CES2: variants seen among roughly 807,000 people sequenced by gnomAD.
The protein encoded by CES2 is cocaine esterase.
In CES2, 42 loss-of-function variants were observed where a neutral mutation model predicts 52.1. That is an observed-to-expected ratio of 0.81 (90% CI 0.63 to 1.04). CES2 has a LOEUF of 1.04. CES2 is among the 50% of genes least tolerant of loss of function. The pLI, the probability that CES2 is intolerant of heterozygous loss-of-function variation, is 0.00. For synonymous variants in CES2, 277 were observed against 289.6 expected (o/e 0.96, Z 0.44); for missense variants, 656 against 724.3 (o/e 0.91, Z 1.08).
chr16:66,934,814 A>T, upstream of CES2: 1 of 170,534 alleles, frequency 5.9e-6, no homozygotes, highest in Non-Finnish European at 1.3e-5. The surrounding 1 kb of genome is among the most constrained non-coding windows in gnomAD (Gnocchi z 4.1). Context: ...CTGCTGCACC[A>T]TAGGCCCGGG....
chr16:66,936,808 G>A (rs548893659), intron 1 of CES2, among the ~76,000 whole-genome samples: 12 of 152,180 alleles, frequency 7.9e-5, no homozygotes, highest in East Asian at 3.9e-4. Context: ...GCTTCCTCCC[G>A]TGCCTGCCCT....
At chr16:66,935,993 C>A (rs1463820967) in intron 1 of CES2, 38 of 1,376,264 alleles carry the variant, frequency 2.8e-5, no homozygotes, top group Non-Finnish European at 3.5e-5. Context: ...AGCCTGGGGT[C>A]GGAGTGGGTG....
rs376159701 is a variant in CES2 at position 66,941,532 on chromosome 16, G to A, written c.942G>A (p.Val314=). The change falls in exon 7 of 12, where the codon GTG becomes GTA. Residue 314 remains valine, a synonymous_variant. Transcript: ENST00000317091. ...CTTTCAAGATGATCCCCGGAGTGGT[G>A]GATGGGGTCTTCCTGCCCAGGCACC... ...NKPFKMIPGV[V]DGVFLPRHPQ... is the part of the protein sequence containing the mutation. The A allele has an allele frequency of 8.7e-6, 14 of 1,614,140 alleles. No homozygotes were observed. The highest frequency in any genetic ancestry group is 3.3e-5 in the South Asian group (3 of 91,090).
chr16:66,944,144 C>T lies in CES2; in HGVS notation c.*119C>T. ...TCCTTCATTCACTTCGCCATTCATT[C>T]ATACTTCCGTCCATCCATTCAGAAA... On this transcript the variant is annotated 3_prime_UTR_variant, in exon 12 of 12. Transcript: ENST00000317091. 1 of 532,152 alleles carries T rather than the reference C, an allele frequency of 1.9e-6. No homozygotes were observed. Among genetic ancestry groups the T allele is most frequent in the Admixed American group, 3.6e-5 (1 of 27,864 alleles). The allele number at this position is 532,152 out of a possible 1,614,324, so 33.0% of individuals were successfully genotyped here.
At position 66,943,712 on chromosome 16, in the gene CES2, C is replaced by G; in HGVS notation, c.1494-127C>G. ...TATTTCCTGTTTCTGGAAGCCTCCC[C>G]ACTCATTCCCCAAGCCCACCTGGCC... On this transcript the variant is annotated intron_variant, in intron 11 of 11. Coordinates refer to ENST00000317091, the MANE Select transcript of CES2 (RefSeq NM_001365405.1). The surrounding 1 kb of genome is among the most constrained non-coding windows in gnomAD (Gnocchi z 4.2). 1.4e-6 allele frequency: 1 copy of G among 721,530 alleles called. No individual in the cohort carries two copies. The highest frequency in any genetic ancestry group is 2.3e-6 in the Non-Finnish European group (1 of 435,184). 44.7% of individuals were successfully genotyped at this position (721,530 alleles called of 1,614,324 possible). A position where few individuals can be genotyped will look rare whatever the true frequency, so the allele number is the denominator to read the frequency against.
chr16:66,942,661 T>C lies in CES2; in HGVS notation c.1296T>C (p.Pro432=). The change falls in exon 10 of 12, where the codon CCT becomes CCC. Residue 432 remains proline (P), a synonymous_variant. Coordinates refer to ENST00000317091, the MANE Select transcript of CES2 (RefSeq NM_001365405.1). Reference sequence around the variant, plus strand: ...TCCACCCCACAGGTTCCCGGGCCCCTGTGTACTTCTACGAGTTCCAGCATC... The same window carrying C: ...TCCACCCCACAGGTTCCCGGGCCCCCGTGTACTTCTACGAGTTCCAGCATC... The part of the protein sequence containing the change: ...QVAHFQCSRA[P]VYFYEFQHQP... 1 of 1,614,198 alleles carries C rather than the reference T, an allele frequency of 6.2e-7. No homozygotes were observed. Among genetic ancestry groups the C allele is most frequent in the Middle Eastern group, 1.7e-4 (1 of 6,058 alleles).
In CES2 at chr16:66,940,626, A is replaced by T. The variant is rs1597008296; in HGVS notation, c.747A>T (p.Gly249=). The T allele has an allele frequency of 1.2e-6, 2 of 1,614,158 alleles. No homozygotes were observed. The highest frequency in any genetic ancestry group is 2.7e-5 in the African/African-American group (2 of 75,028). ...CCATATCCCAAGGACTCTTCCACGG[A>T]GCCATCATGGAGAGTGGCGTGGCCC... is the stretch of plus-strand genomic sequence containing the variant. ...VSPISQGLFH[G]AIMESGVALL... is the part of the protein sequence containing the mutation. Residue 249 remains glycine (G), a synonymous_variant, in exon 5 of 12, where the codon GGA becomes GGT. Transcript: ENST00000317091.
chr16:66,934,574 G>T (rs1963153671), upstream of CES2: 4 of 723,890 alleles, frequency 5.5e-6, no homozygotes, highest in South Asian at 5.9e-5. The surrounding 1 kb of genome is among the most constrained non-coding windows in gnomAD (Gnocchi z 4.1). Context: ...AGCAGAAGGC[G>T]CTGAGAAGGG....
At chr16:66,937,462 C>G (rs748976294) in intron 1 of CES2, among the ~76,000 whole-genome samples, 1 of 152,184 alleles carries the variant, frequency 6.6e-6, no homozygotes, top group Non-Finnish European at 1.5e-5. Flanking sequence ...CCAGGCTTTT[C>G]TACAGCTGGG....
At chr16:66,940,838 C>T in intron 5 of CES2, 143 bp downstream of exon 5, 3 of 1,191,272 alleles carry the variant, frequency 2.5e-6, no homozygotes, top group Non-Finnish European at 3.4e-6. Flanking sequence ...CTGGGGGGCT[C>T]CAGGGTCAGA....
chr16:66,943,463 C>T lies in CES2; in HGVS notation c.1493+92C>T, dbSNP rs1013409344. The T allele has an allele frequency of 4.4e-5, 59 of 1,333,752 alleles. No individual in the cohort carries two copies. Among genetic ancestry groups the T allele is most frequent in the Non-Finnish European group, 6.1e-5 (57 of 936,502 alleles). 82.6% of individuals were successfully genotyped at this position (1,333,752 alleles called of 1,614,324 possible). A position where few individuals can be genotyped will look rare whatever the true frequency, so the allele number is the denominator to read the frequency against. On this transcript the variant is annotated intron_variant, in intron 11 of 11. Transcript: ENST00000317091. This position sits in a 1 kb window ranked among gnomAD's most constrained non-coding sequence, Gnocchi z 4.2. ...AGTCTGGGGTGACCTCATGAGCACA[C>T]CCGCATCCTTCATCACATGATGGCC...
chr16:66,938,643 T>C (rs28382816), intron 2 of CES2, among the ~76,000 whole-genome samples: 10,827 of 152,172 alleles, frequency 0.071, 971 homozygotes, highest in African/African-American at 0.21. Flanking sequence ...AAGAGAACAG[T>C]AGTGGTAGCT....
Position 66,943,960 on chromosome 16 carries a change from A to G in CES2, c.1615A>G (p.Lys539Glu). ...ALKAHRLQFW[K>E]KALPQKIQEL... The stretch of plus-strand genomic sequence containing the variant: ...GAAGGCCCACAGGCTCCAGTTCTGG[A>G]AGAAGGCGCTGCCCCAAAAGATCCA... Residue 539 changes from lysine (K) to glutamate (E), a missense_variant, in exon 12 of 12, where the codon AAG (lysine) becomes GAG (glutamate). Coordinates refer to ENST00000317091, the MANE Select transcript of CES2 (RefSeq NM_001365405.1). The surrounding 1 kb of genome is among the most constrained non-coding windows in gnomAD (Gnocchi z 4.2). 6.2e-7 allele frequency: 1 copy of G among 1,604,934 alleles called. No homozygotes were observed. Among genetic ancestry groups the G allele is most frequent in the African/African-American group, 1.3e-5 (1 of 74,892 alleles).
chr16:66,940,314 G>A lies in CES2; in HGVS notation c.516G>A (p.Val172=). ...TGGCTGCCTTGGAGAACGTGGTGGT[G>A]GTCATCATCCAGTACCGCCTGGGTG... ...SMLAALENVV[V]VIIQYRLGVL... Residue 172 remains valine, a synonymous_variant, in exon 4 of 12, where the codon GTG becomes GTA. Coordinates refer to ENST00000317091, the MANE Select transcript of CES2 (RefSeq NM_001365405.1). 1 of 1,614,158 alleles carries A rather than the reference G, an allele frequency of 6.2e-7. No homozygotes were observed.
intron 1 of CES2, chr16:66,935,957 G>T: frequency 7.1e-7 from 1 of 1,411,960 alleles, no homozygotes; most frequent in Non-Finnish European, 9.2e-7. Flanking sequence ...CCCCAGGAGC[G>T]CCGGGACATG....
In CES2 at chr16:66,945,022, C is replaced by A. The variant is rs767314851; in HGVS notation, c.*997C>A. 3 of 152,178 alleles carry A rather than the reference C, an allele frequency of 2.0e-5. No individual in the cohort carries two copies. The highest frequency in any genetic ancestry group is 3.2e-3 in the Middle Eastern group (1 of 316). 9.4% of individuals were successfully genotyped at this position (152,178 alleles called of 1,614,324 possible). A position where few individuals can be genotyped will look rare whatever the true frequency, so the allele number is the denominator to read the frequency against. On this transcript the variant is annotated 3_prime_UTR_variant, in exon 12 of 12. Transcript: ENST00000317091. ...GGGAGGTGCTTCGAAGAATGTTGCCCACACCTAAGTGTTAGAAGCCTATGT... is the reference window on the plus strand; with the variant it reads ...GGGAGGTGCTTCGAAGAATGTTGCCAACACCTAAGTGTTAGAAGCCTATGT...
At position 66,943,896 on chromosome 16, in the gene CES2, C is replaced by T. The variant is rs1963422626; in HGVS notation, c.1551C>T (p.Tyr517=). ...HWPLFDQEEQ[Y]LQLNLQPAVG... ...CGCTGTTCGACCAGGAGGAGCAATA[C>T]CTGCAGCTGAACCTACAGCCTGCGG... The change falls in exon 12 of 12, where the codon TAC becomes TAT. Residue 517 remains tyrosine, a synonymous_variant. Coordinates refer to ENST00000317091, the MANE Select transcript of CES2 (RefSeq NM_001365405.1). This position sits in a 1 kb window ranked among gnomAD's most constrained non-coding sequence, Gnocchi z 4.2. 6.2e-7 allele frequency: 1 copy of T among 1,609,972 alleles called. No individual in the cohort carries two copies. Among genetic ancestry groups the T allele is most frequent in the Admixed American group, 1.7e-5 (1 of 59,896 alleles).
In CES2 at chr16:66,942,667, C is replaced by A. The variant is rs149858755; in HGVS notation, c.1302C>A (p.Tyr434Ter). Residue 434 changes from tyrosine to a stop codon, truncating the protein, a stop_gained, in exon 10 of 12, where the codon TAC (tyrosine) becomes TAA (stop). Transcript: ENST00000317091. LOFTEE classifies it high-confidence loss of function. ...AHFQCSRAPV[Y>*]FYEFQHQPSW... ...CCACAGGTTCCCGGGCCCCTGTGTACTTCTACGAGTTCCAGCATCAGCCCA... is the reference window on the plus strand; with the variant it reads ...CCACAGGTTCCCGGGCCCCTGTGTAATTCTACGAGTTCCAGCATCAGCCCA... 23 of 1,614,234 alleles carry A rather than the reference C, an allele frequency of 1.4e-5. No individual in the cohort carries two copies. In the African/African-American group the frequency reaches 3.1e-4, roughly 22 times the overall value.
chr16:66,939,370 G>A lies in CES2; in HGVS notation c.423+12G>A, dbSNP rs781583198. 5 of 1,613,840 alleles carry A rather than the reference G, an allele frequency of 3.1e-6. No individual in the cohort carries two copies. Among genetic ancestry groups the A allele is most frequent in the Non-Finnish European group, 4.2e-6 (5 of 1,179,872 alleles). On this transcript the variant is annotated intron_variant, in intron 3 of 11. Coordinates refer to ENST00000317091, the MANE Select transcript of CES2 (RefSeq NM_001365405.1). ...GCTCTAACCTGCCGGTGGGTGTCAG[G>A]CCACAGTTCACTGGGGGTTGGAGGA...
Sources: gnomAD v4.1 joint callset for allele counts (sites outside exome capture counted in the v4.1 genomes callset) on GRCh38, gnomAD v4.1.1 for gene constraint, Gnocchi (gnomAD v3.1) non-coding constraint, MANE v1.5 for transcripts, NCBI Gene and HGNC (gene_info 2026-07-23, HGNC 2026-07-21) for gene names.